The following SGCG variants were observed in gnomAD, a reference collection of about 807,000 sequenced individuals.
The protein encoded by SGCG is sarcoglycan gamma.
A neutral mutation model predicts 29.3 loss-of-function variants in SGCG; 26 were observed. The ratio of observed to expected loss-of-function variants is 0.89; its 90% CI spans 0.65 to 1.23. The LOEUF (loss-of-function observed/expected upper bound fraction) is 1.23, where lower values mean the gene tolerates loss of function less well. Among genes scored for constraint, SGCG ranks in the 50% most tolerant of loss-of-function variants. The pLI is 0.00. For missense variants in SGCG, 353 were observed against 356.0 expected, an observed-to-expected ratio of 0.99 and a Z score of 0.07; for synonymous variants, 145 against 129.7, an observed-to-expected ratio of 1.12 and a Z score of -0.80.
chr13:23,162,370 T>G, the SGCG span, among the ~76,000 whole-genome samples: 2 of 152,088 alleles, frequency 1.3e-5, no homozygotes, highest in Non-Finnish European at 2.9e-5. Context: ...ATCCCAGACC[T>G]TTGGGAGGCC....
At chr13:23,261,652 A>G (rs899793007) in intron 4 of SGCG, among the ~76,000 whole-genome samples, 3 of 152,074 alleles carry the variant, frequency 2.0e-5, no homozygotes, top group Non-Finnish European at 4.4e-5. Context: ...CAAGAAGTTC[A>G]AATAACTTTT....
At chr13:23,305,668 A>G (rs2137500135) in intron 6 of SGCG, among the ~76,000 whole-genome samples, 1 of 152,350 alleles carries the variant, frequency 6.6e-6, no homozygotes, top group East Asian at 1.9e-4. Flanking sequence ...TGTTTTATAA[A>G]GAAAGCACAT....
intron 6 of SGCG, among the ~76,000 whole-genome samples, chr13:23,318,102 C>T (rs1242947636): frequency 6.6e-6 from 1 of 152,320 alleles, no homozygotes; most frequent in East Asian, 1.9e-4. Context: ...CGGACTGGCT[C>T]TCTTTGCTCC....
chr13:23,305,461 A>G lies in SGCG; in HGVS notation c.578+9974A>G, dbSNP rs957843861. 3.2e-4 allele frequency among the ~76,000 whole-genome samples: 48 copies of G among 152,210 alleles called. 1 individual carries two copies. Among genetic ancestry groups the G allele is most frequent in the African/African-American group, 1.1e-3 (47 of 41,460 alleles). On this transcript the variant is annotated intron_variant, in intron 6 of 7. Coordinates refer to ENST00000218867, the MANE Select transcript of SGCG (RefSeq NM_000231.3). ...GATTTTCCAAGTATACTATCAGATC[A>G]TTTGCAAATAGGTATAGTTTTACAC...
In SGCG at chr13:23,300,560, A is replaced by G. The variant is rs992890155; in HGVS notation, c.578+5073A>G. ...ACAAGAAAGATTGCTATTTTAGGCC[A>G]TGGGTTGAAAAATTACCCACAAGAA... On this transcript the variant is annotated intron_variant, in intron 6 of 7. Transcript: ENST00000218867. 2.6e-5 allele frequency among the ~76,000 whole-genome samples: 4 copies of G among 152,206 alleles called. No individual in the cohort carries two copies. In the East Asian group the frequency reaches 5.8e-4, roughly 22 times the overall value.
intron 4 of SGCG, among the ~76,000 whole-genome samples, chr13:23,276,333 T>C (rs1371279480): frequency 6.6e-6 from 1 of 152,074 alleles, no homozygotes; most frequent in Non-Finnish European, 1.5e-5. Context: ...AGGTGGGATT[T>C]TATTCACCGC....
chr13:23,171,164 A>T, the SGCG span, among the ~76,000 whole-genome samples: 1 of 152,300 alleles, frequency 6.6e-6, no homozygotes. Context: ...TCTGTAAGTC[A>T]TGTATCTTAT....
At chr13:23,170,044 TG>T in the SGCG span, 1 of 152,242 alleles carries the variant, frequency 6.6e-6, no homozygotes, top group East Asian at 1.9e-4. Context: ...AAGAAGAAAG[TG>T]TGTCTTTCTA....
At chr13:23,276,431 CTTTT>C (rs71100165) in intron 4 of SGCG, among the ~76,000 whole-genome samples, 2 of 102,384 alleles carry the variant, frequency 2.0e-5, no homozygotes, top group South Asian at 7.8e-4. Flanking sequence ...TTTTAGTTTT[CTTTT>C]TTTTTTTTTT....
chr13:23,258,754 T>A (rs927657442), intron 4 of SGCG, among the ~76,000 whole-genome samples: 3 of 152,228 alleles, frequency 2.0e-5, no homozygotes, highest in Non-Finnish European at 4.4e-5. Flanking sequence ...GTTTTTAGCA[T>A]GAAGGCTGTT....
chr13:23,216,982 T>C (rs1287154356), intron 2 of SGCG, among the ~76,000 whole-genome samples: 1 of 152,094 alleles, frequency 6.6e-6, no homozygotes, highest in Non-Finnish European at 1.5e-5. Context: ...TAGTCATAAA[T>C]GACAATTATA....
chr13:23,324,609 C>A lies in SGCG; in HGVS notation c.*68C>A. On this transcript the variant is annotated 3_prime_UTR_variant, in exon 8 of 8. Coordinates refer to ENST00000218867, the MANE Select transcript of SGCG (RefSeq NM_000231.3). ...GATCCTCACACCCAGGGAGCAGCTGCACATCGTGAAAGACTGAGGCAGCGT... is the reference window on the plus strand; with the variant it reads ...GATCCTCACACCCAGGGAGCAGCTGAACATCGTGAAAGACTGAGGCAGCGT... 1 of 1,420,818 alleles carries A rather than the reference C, an allele frequency of 7.0e-7. No individual in the cohort carries two copies. The highest frequency in any genetic ancestry group is 2.3e-5 in the East Asian group (1 of 43,522). The allele number at this position is 1,420,818 out of a possible 1,614,324, so 88.0% of individuals were successfully genotyped here.
At chr13:23,249,571 A>G (rs1158574609) in intron 3 of SGCG, among the ~76,000 whole-genome samples, 1 of 152,234 alleles carries the variant, frequency 6.6e-6, no homozygotes. Context: ...GTGATTTTTA[A>G]AAAACCCAAA....
upstream of SGCG, among the ~76,000 whole-genome samples, chr13:23,178,536 C>A (rs689012): frequency 0.97 from 147,708 of 152,286 alleles, 71,791 homozygotes; most frequent in East Asian, 1. Flanking sequence ...TAGCTTATAA[C>A]GTCATGAGAA....
chr13:23,292,191 C>A (rs12866329), intron 5 of SGCG, among the ~76,000 whole-genome samples: 24,740 of 151,080 alleles, frequency 0.16, 2,083 homozygotes, highest in South Asian at 0.23. Flanking sequence ...CTCACTGCAA[C>A]CTCTGCCTCC....
chr13:23,317,563 C>T (rs76093169), intron 6 of SGCG, among the ~76,000 whole-genome samples: 118 of 152,260 alleles, frequency 7.7e-4, no homozygotes, highest in African/African-American at 2.7e-3. Context: ...CATACTTGTG[C>T]ATGTATACAC....
intron 1 of SGCG, among the ~76,000 whole-genome samples, chr13:23,184,518 T>A (rs917593860): frequency 3.9e-5 from 6 of 152,220 alleles, no homozygotes; most frequent in Non-Finnish European, 8.8e-5. Flanking sequence ...TAATTTTAAT[T>A]TAAGAATATT....
At chr13:23,216,432 A>C (rs1878431093) in intron 2 of SGCG, among the ~76,000 whole-genome samples, 1 of 152,190 alleles carries the variant, frequency 6.6e-6, no homozygotes, top group African/African-American at 2.4e-5. Context: ...ATGACCAAGA[A>C]GGAATGACAC....
intron 4 of SGCG, among the ~76,000 whole-genome samples, chr13:23,260,462 T>C (rs944900521): frequency 8.5e-5 from 13 of 152,186 alleles, no homozygotes; most frequent in African/African-American, 3.1e-4. Context: ...ATGTGTCTCC[T>C]GAATACAGCA....
Sources: gnomAD v4.1 joint callset for allele counts (sites outside exome capture counted in the v4.1 genomes callset) on GRCh38, gnomAD v4.1.1 for gene constraint, MANE v1.5 for transcripts, NCBI Gene and HGNC (gene_info 2026-07-23, HGNC 2026-07-21) for gene names.